The following CAMTA1 variants were observed in gnomAD, a reference collection of about 807,000 sequenced individuals.
CAMTA1 encodes the protein calmodulin binding transcription activator 1, also known as calmodulin-binding transcription activator 1.
A neutral mutation model predicts 170.9 loss-of-function variants in CAMTA1; 27 were observed. That is an observed-to-expected ratio of 0.16 (90% CI 0.12 to 0.22). The LOEUF (loss-of-function observed/expected upper bound fraction) is 0.22. Among genes scored for constraint, CAMTA1 ranks in the 10% least tolerant of loss-of-function variants. The probability of loss-of-function intolerance (pLI) is 1.00; values close to 1 mark genes in which losing one functional copy is unlikely to be tolerated. For synonymous variants in CAMTA1, 833 were observed against 891.5 expected, an observed-to-expected ratio of 0.93 and a Z score of 1.17; for missense variants, 1,619 against 2,217.2, an observed-to-expected ratio of 0.73 and a Z score of 5.42.
chr1:7,139,686 T>C (rs1645781922), intron 4 of CAMTA1, among the ~76,000 whole-genome samples: 1 of 152,172 alleles, frequency 6.6e-6, no homozygotes, highest in African/African-American at 2.4e-5. Context: ...GACTAGGTAG[T>C]GTGTGTCTTT....
At chr1:7,668,476 C>T (rs568888551) in intron 9 of CAMTA1, among the ~76,000 whole-genome samples, 1 of 151,994 alleles carries the variant, frequency 6.6e-6, no homozygotes, top group African/African-American at 2.4e-5. Flanking sequence ...CCAGCATCTG[C>T]CCTGGCTGCA....
chr1:6,949,530 C>T (rs550667953), intron 3 of CAMTA1, among the ~76,000 whole-genome samples: 10 of 152,316 alleles, frequency 6.6e-5, no homozygotes, highest in African/African-American at 2.2e-4. Context: ...TGAGCGCTGA[C>T]GAAGCTGTAA....
At chr1:7,193,168 T>G (rs1014742569) in intron 4 of CAMTA1, among the ~76,000 whole-genome samples, 8 of 151,940 alleles carry the variant, frequency 5.3e-5, no homozygotes, top group Non-Finnish European at 1.2e-4. Context: ...CTGGCCAACA[T>G]GGTGAAACCC....
chr1:7,586,481 C>A (rs1354376903), intron 6 of CAMTA1, among the ~76,000 whole-genome samples: 2 of 152,100 alleles, frequency 1.3e-5, no homozygotes, highest in East Asian at 3.9e-4. Context: ...AGCTTCCAAA[C>A]AATACTGACA....
chr1:7,143,433 TA>T (rs1646001546), intron 4 of CAMTA1, among the ~76,000 whole-genome samples: 1 of 152,354 alleles, frequency 6.6e-6, no homozygotes, highest in African/African-American at 2.4e-5. Context: ...AAACCAAAAT[TA>T]ATGACATTTT....
chr1:6,911,969 C>T (rs1679784913), intron 3 of CAMTA1, among the ~76,000 whole-genome samples: 1 of 151,886 alleles, frequency 6.6e-6, no homozygotes, highest in African/African-American at 2.4e-5. Context: ...TGAATCCCTG[C>T]TCTCTTTCCC....
intron 3 of CAMTA1, among the ~76,000 whole-genome samples, chr1:7,068,536 G>A (rs1709259333): frequency 6.6e-6 from 1 of 152,146 alleles, no homozygotes; most frequent in African/African-American, 2.4e-5. Flanking sequence ...CGATGGGGAT[G>A]AACGTGCCCT....
chr1:7,009,232 G>A (rs888921142), intron 3 of CAMTA1, among the ~76,000 whole-genome samples: 4 of 151,806 alleles, frequency 2.6e-5, no homozygotes, highest in African/African-American at 9.7e-5. Context: ...CAATGTGGCA[G>A]AGTTGTGAGT....
Position 7,063,120 on chromosome 1 carries a change from G to C in CAMTA1, c.235-28184G>C, listed in dbSNP as rs1270408256. 6.6e-6 allele frequency among the ~76,000 whole-genome samples: 1 copy of C among 152,226 alleles called. No individual in the cohort carries two copies. Among genetic ancestry groups the C allele is most frequent in the African/African-American group, 2.4e-5 (1 of 41,442 alleles). ...AACAAAATATAAACTGCAGGAGGCA[G>C]AAAACGTCGCCGACTTACTCACCAT... On this transcript the variant is annotated intron_variant, in intron 3 of 22. Coordinates refer to ENST00000303635, the MANE Select transcript of CAMTA1 (RefSeq NM_015215.4). The surrounding 1 kb of genome is among the most constrained non-coding windows in gnomAD (Gnocchi z 4.3).
In CAMTA1 at chr1:6,930,957, A is replaced by G. The variant is rs533783731; in HGVS notation, c.234+105747A>G. ...GCTCCGCCGCGTCTCCTCTGCACAC[A>G]TCTGGGCCCTAGCTTTTGAAATTCT... On this transcript the variant is annotated intron_variant, in intron 3 of 22. Coordinates refer to ENST00000303635, the MANE Select transcript of CAMTA1 (RefSeq NM_015215.4). Among the ~76,000 whole-genome samples the G allele has an allele frequency of 1.4e-4, 21 of 152,314 alleles. No homozygotes were observed. In the South Asian group the frequency reaches 4.1e-3, roughly 30 times the overall value.
intron 6 of CAMTA1, among the ~76,000 whole-genome samples, chr1:7,481,279 C>T (rs905493167): frequency 7.2e-5 from 11 of 152,190 alleles, no homozygotes; most frequent in Non-Finnish European, 1.0e-4. Flanking sequence ...ATGTCCAAAA[C>T]CTTACCGTGA....
chr1:7,557,176 T>C (rs965043699), intron 6 of CAMTA1, among the ~76,000 whole-genome samples: 3 of 151,648 alleles, frequency 2.0e-5, no homozygotes, highest in Non-Finnish European at 4.4e-5. Flanking sequence ...GGCGTGGCAG[T>C]GTGTGCCTGT....
chr1:6,982,874 T>G (rs1322623791), intron 3 of CAMTA1, among the ~76,000 whole-genome samples: 1 of 151,962 alleles, frequency 6.6e-6, no homozygotes, highest in Non-Finnish European at 1.5e-5. Context: ...TAGGGCTTGG[T>G]GGGGACCAGG....
chr1:7,510,036 C>T lies in CAMTA1; in HGVS notation c.510+42135C>T, dbSNP rs150215258. Among the ~76,000 whole-genome samples, 104 of 109,408 alleles carry T rather than the reference C, an allele frequency of 9.5e-4. 6 individuals carry two copies. Among genetic ancestry groups the T allele is most frequent in the African/African-American group, 2.5e-3 (89 of 35,332 alleles). The allele number at this position is 109,408 out of a possible 152,430, so 71.8% of individuals were successfully genotyped here. The stretch of plus-strand genomic sequence containing the variant: ...AACAAAAAAAAAAAACACTGTCCTC[C>T]GAGGCCATCCAGGCCCCCTTTGTAC... On this transcript the variant is annotated intron_variant, in intron 6 of 22. Transcript: ENST00000303635.
At chr1:7,661,649 G>T (rs1053252627) in intron 7 of CAMTA1, 77 bp from the exon 8 acceptor site, 1 of 1,541,308 alleles carries the variant, frequency 6.5e-7, no homozygotes, top group African/African-American at 1.4e-5. Flanking sequence ...GGAGGGCCTG[G>T]GTCCTACCCC....
intron 11 of CAMTA1, chr1:7,693,072 T>C (rs2995032): frequency 0.48 from 73,187 of 152,158 alleles, 17,765 homozygotes; most frequent in East Asian, 0.66. Flanking sequence ...CAAGTGTTAA[T>C]GTATCAGTCT....
intron 6 of CAMTA1, among the ~76,000 whole-genome samples, chr1:7,557,159 T>C (rs1228168157): frequency 6.6e-6 from 1 of 151,672 alleles, no homozygotes; most frequent in Non-Finnish European, 1.5e-5. Flanking sequence ...ATACAAAAAA[T>C]TAGCGGGGCG....
chr1:6,877,897 C>G (rs1298273112), intron 3 of CAMTA1, among the ~76,000 whole-genome samples: 1 of 152,166 alleles, frequency 6.6e-6, no homozygotes, highest in African/African-American at 2.4e-5. Flanking sequence ...TCTACTTTAC[C>G]TGCTCTAGTT....
chr1:7,387,419 T>C (rs2088132530), intron 5 of CAMTA1, among the ~76,000 whole-genome samples: 1 of 152,128 alleles, frequency 6.6e-6, no homozygotes, highest in Non-Finnish European at 1.5e-5. Context: ...ATTCCCATTC[T>C]CTTCTCCCAT....
Sources: allele counts gnomAD v4.1 joint callset (sites outside exome capture counted in the v4.1 genomes callset), GRCh38; gene constraint gnomAD v4.1.1; non-coding constraint Gnocchi (gnomAD v3.1); transcripts MANE v1.5; gene names NCBI Gene and HGNC (gene_info 2026-07-23, HGNC 2026-07-21).